MYRIP: variants seen among roughly 807,000 people sequenced by gnomAD.
MYRIP encodes the protein myosin VIIA and Rab interacting protein, also known as rab effector MyRIP.
A neutral mutation model predicts 98.0 loss-of-function variants in MYRIP; 49 were observed. That is an observed-to-expected ratio of 0.50 (90% CI 0.40 to 0.63). MYRIP has a LOEUF of 0.63. MYRIP is among the 30% of genes least tolerant of loss of function. MYRIP has a pLI of 0.00. For missense variants in MYRIP, 1,004 were observed against 1,058.2 expected, an observed-to-expected ratio of 0.95 and a Z score of 0.71; for synonymous variants, 404 against 409.5, an observed-to-expected ratio of 0.99 and a Z score of 0.16.
chr3:40,064,171 C>A (rs1948080420), intron 3 of MYRIP, among the ~76,000 whole-genome samples: 2 of 151,748 alleles, frequency 1.3e-5, no homozygotes, highest in South Asian at 4.2e-4. Flanking sequence ...TATATGTAGT[C>A]CCGTCAGGTG....
chr3:40,208,491 A>C (rs1339059552), intron 10 of MYRIP, among the ~76,000 whole-genome samples: 3 of 152,184 alleles, frequency 2.0e-5, no homozygotes, highest in African/African-American at 7.2e-5. Context: ...GTCTTCCTGG[A>C]GTTCCCCAAG....
At chr3:39,951,032 ACT>A (rs767305194) in intron 2 of MYRIP, among the ~76,000 whole-genome samples, 2 of 152,190 alleles carry the variant, frequency 1.3e-5, no homozygotes, top group Admixed American at 6.5e-5. Flanking sequence ...TATTTTGGAA[ACT>A]CTGACTGAGA....
intron 2 of MYRIP, among the ~76,000 whole-genome samples, chr3:39,993,179 G>A (rs1244248807): frequency 6.6e-6 from 1 of 152,110 alleles, no homozygotes; most frequent in Non-Finnish European, 1.5e-5. Flanking sequence ...AGAAAGAGAG[G>A]CAAAAGGGAG....
chr3:39,923,139 C>T (rs960838865), intron 2 of MYRIP, among the ~76,000 whole-genome samples: 1 of 151,854 alleles, frequency 6.6e-6, no homozygotes, highest in Non-Finnish European at 1.5e-5. Context: ...TAGAAATTAC[C>T]TAGTGTGAAC....
At chr3:40,110,064 C>T (rs1949127064) in intron 3 of MYRIP, among the ~76,000 whole-genome samples, 1 of 152,276 alleles carries the variant, frequency 6.6e-6, no homozygotes, top group Non-Finnish European at 1.5e-5. Context: ...CCACCATGGG[C>T]CTTACAGCCT....
intron 2 of MYRIP, among the ~76,000 whole-genome samples, chr3:39,997,274 G>A (rs1448294499): frequency 6.6e-6 from 1 of 151,908 alleles, no homozygotes; most frequent in Non-Finnish European, 1.5e-5. Flanking sequence ...CAACAAAATT[G>A]ATAGACCCCT....
intron 2 of MYRIP, among the ~76,000 whole-genome samples, chr3:39,952,450 C>T (rs1945043073): frequency 6.6e-6 from 1 of 152,014 alleles, no homozygotes; most frequent in Non-Finnish European, 1.5e-5. Context: ...GGTTTTTGCC[C>T]TTTTTTCACT....
intron 10 of MYRIP, among the ~76,000 whole-genome samples, chr3:40,206,527 G>T (rs990316602): frequency 6.6e-5 from 10 of 152,072 alleles, no homozygotes; most frequent in African/African-American, 1.9e-4. Flanking sequence ...TTTAAGATTT[G>T]CTCAGTTATC....
chr3:40,042,741 ATTTAG>A (rs1947569312), intron 2 of MYRIP, among the ~76,000 whole-genome samples: 2 of 152,330 alleles, frequency 1.3e-5, no homozygotes, highest in East Asian at 3.9e-4. Flanking sequence ...CTGTAGTAAA[ATTTAG>A]TATAGACGCT....
chr3:40,051,314 C>T (rs1045795771), intron 3 of MYRIP, among the ~76,000 whole-genome samples: 38 of 152,096 alleles, frequency 2.5e-4, no homozygotes, highest in African/African-American at 9.2e-4. Flanking sequence ...GACATCAAGA[C>T]CCTCAACCAA....
chr3:39,893,050 A>C (rs1280439060), intron 1 of MYRIP, among the ~76,000 whole-genome samples: 2 of 152,212 alleles, frequency 1.3e-5, no homozygotes, highest in Non-Finnish European at 2.9e-5. Context: ...AACTTGACCA[A>C]GTGGGTTGTA....
At chr3:40,126,522 T>G (rs1162110283) in intron 3 of MYRIP, among the ~76,000 whole-genome samples, 1 of 152,232 alleles carries the variant, frequency 6.6e-6, no homozygotes, top group Non-Finnish European at 1.5e-5. Flanking sequence ...AAAAGTTACC[T>G]TGGTGAGGCA....
At chr3:39,947,389 TA>T (rs2125714764) in intron 2 of MYRIP, among the ~76,000 whole-genome samples, 1 of 151,314 alleles carries the variant, frequency 6.6e-6, no homozygotes, top group Admixed American at 6.6e-5. Context: ...AAAAAATGAA[TA>T]AAATACAAAA....
At chr3:39,833,718 C>T (rs1451711099) in intron 1 of MYRIP, among the ~76,000 whole-genome samples, 2 of 152,140 alleles carry the variant, frequency 1.3e-5, no homozygotes, top group East Asian at 1.9e-4. Flanking sequence ...AGGGTGTTAC[C>T]TTCAGAATTT....
chr3:40,165,030 T>C (rs923098956), intron 5 of MYRIP, among the ~76,000 whole-genome samples: 6 of 152,236 alleles, frequency 3.9e-5, no homozygotes, highest in African/African-American at 1.4e-4. Flanking sequence ...ATTTGTTTGA[T>C]TCAACAAAAA....
At chr3:39,968,124 G>A (rs1362055777) in intron 2 of MYRIP, among the ~76,000 whole-genome samples, 1 of 151,916 alleles carries the variant, frequency 6.6e-6, no homozygotes, top group African/African-American at 2.4e-5. Context: ...TTCTTTTGGT[G>A]TCTTTGCCGT....
At chr3:39,918,447 C>T (rs957620017) in intron 2 of MYRIP, among the ~76,000 whole-genome samples, 4 of 152,144 alleles carry the variant, frequency 2.6e-5, no homozygotes, top group Non-Finnish European at 5.9e-5. Context: ...TTTTGCAGTG[C>T]CTAACTTGTC....
chr3:39,977,506 G>T (rs1945786752), intron 2 of MYRIP, among the ~76,000 whole-genome samples: 1 of 152,144 alleles, frequency 6.6e-6, no homozygotes, highest in African/African-American at 2.4e-5. Context: ...TTCCTGCAGA[G>T]CCAGGCAAAA....
chr3:40,251,843 C>T (rs756860249), intron 15 of MYRIP, 38 bp from the exon 16 acceptor site: 3 of 1,415,154 alleles, frequency 2.1e-6, no homozygotes, highest in Non-Finnish European at 3.0e-6. Flanking sequence ...ATCAGTCCAT[C>T]TTCTGGGTAA....
Sources: gnomAD v4.1 joint callset for allele counts (sites outside exome capture counted in the v4.1 genomes callset) on GRCh38, gnomAD v4.1.1 for gene constraint, MANE v1.5 for transcripts, NCBI Gene and HGNC (gene_info 2026-07-23, HGNC 2026-07-21) for gene names.